The following PEX7 variants were observed in gnomAD, a reference collection of about 807,000 sequenced individuals.
The protein encoded by PEX7 is peroxisomal biogenesis factor 7, also known as PTS2 receptor.
Under a neutral mutation model 47.5 loss-of-function variants are expected in PEX7, and 34 were observed. The ratio of observed to expected loss-of-function variants is 0.72; its 90% confidence interval spans 0.54 to 0.95. PEX7 has a LOEUF of 0.95. PEX7 is among the 40% of genes least tolerant of loss of function. PEX7 has a pLI of 0.00. For missense variants in PEX7, 394 were observed against 400.3 expected, an observed-to-expected ratio of 0.98 and a Z score of 0.13; for synonymous variants, 141 against 148.8, an observed-to-expected ratio of 0.95 and a Z score of 0.38.
intron 9 of PEX7, among the ~76,000 whole-genome samples, chr6:136,908,198 T>G (rs1414799645): frequency 6.6e-6 from 1 of 152,218 alleles, no homozygotes; most frequent in East Asian, 1.9e-4. Flanking sequence ...TTGAAGAAAC[T>G]GACACATTAG....
chr6:136,832,517 T>G (rs9494578), intron 3 of PEX7, among the ~76,000 whole-genome samples: 76,484 of 152,132 alleles, frequency 0.5, 20,183 homozygotes, highest in Admixed American at 0.61. Context: ...AGGTTTGAAT[T>G]TCCCCCCAAG....
chr6:136,902,335 T>C (rs1775766384), intron 9 of PEX7, among the ~76,000 whole-genome samples: 1 of 152,240 alleles, frequency 6.6e-6, no homozygotes, highest in Non-Finnish European at 1.5e-5. Flanking sequence ...AAAAGAGATT[T>C]ATCTGAGTTC....
intron 5 of PEX7, among the ~76,000 whole-genome samples, chr6:136,847,958 T>G (rs1667372249): frequency 6.6e-6 from 1 of 152,226 alleles, no homozygotes; most frequent in Non-Finnish European, 1.5e-5. Context: ...TTCACGATAT[T>G]GATTCTTCCT....
At chr6:136,847,513 A>T (rs909207859) in intron 5 of PEX7, among the ~76,000 whole-genome samples, 44 of 151,686 alleles carry the variant, frequency 2.9e-4, no homozygotes, top group Middle Eastern at 3.2e-3. Context: ...TCTTGAATTA[A>T]TTTTTGTATA....
intron 4 of PEX7, 45 bp downstream of exon 4, chr6:136,845,737 A>G (rs1774585595): frequency 8.7e-7 from 1 of 1,148,618 alleles, no homozygotes; most frequent in African/African-American, 1.5e-5. Context: ...TCCCTTCTCT[A>G]GAGCTTCCAC....
At position 136,872,184 on chromosome 6, in the gene PEX7, T is replaced by C. The variant is rs1362218138; in HGVS notation, c.748-14T>C. 4 of 1,569,786 alleles carry C rather than the reference T, an allele frequency of 2.5e-6. No individual in the cohort carries two copies. The highest frequency in any genetic ancestry group is 2.6e-6 in the Non-Finnish European group (3 of 1,152,060). On this transcript the variant is annotated splice_polypyrimidine_tract_variant and intron_variant, in intron 7 of 9. Coordinates refer to ENST00000318471, the MANE Select transcript of PEX7 (RefSeq NM_000288.4). ...ACTTCAAAAAGGGTTTTTTTTTTCT[T>C]TTTTTTTTTGTAGTTTTCACCATTT...
chr6:136,862,278 A>G (rs1052442864), intron 5 of PEX7, among the ~76,000 whole-genome samples: 1 of 149,014 alleles, frequency 6.7e-6, no homozygotes, highest in South Asian at 2.1e-4. Flanking sequence ...GGGTTTTGCC[A>G]TGTTGGCCAG....
chr6:136,889,717 T>C (rs537622555), intron 8 of PEX7, among the ~76,000 whole-genome samples: 28 of 152,302 alleles, frequency 1.8e-4, no homozygotes, highest in African/African-American at 6.7e-4. Context: ...CAAAAGATAA[T>C]ATCTGAAAAT....
chr6:136,911,169 A>C (rs112304563), intron 9 of PEX7, among the ~76,000 whole-genome samples: 11 of 151,934 alleles, frequency 7.2e-5, no homozygotes, highest in African/African-American at 2.2e-4. Flanking sequence ...AGGTGAGAAG[A>C]GTAACATTGT....
At chr6:136,828,570 C>G (rs1377870099) in intron 3 of PEX7, among the ~76,000 whole-genome samples, 1 of 152,242 alleles carries the variant, frequency 6.6e-6, no homozygotes, top group East Asian at 1.9e-4. Flanking sequence ...ATCGTGCTCT[C>G]TTCCAGACTG....
chr6:136,912,468 T>C (rs1489290482), intron 9 of PEX7, among the ~76,000 whole-genome samples: 1 of 152,196 alleles, frequency 6.6e-6, no homozygotes, highest in Non-Finnish European at 1.5e-5. Flanking sequence ...CACCATTTAT[T>C]GAAAAGACTA....
chr6:136,900,640 AT>A lies in PEX7; in HGVS notation c.903+2403del. 1 of 334,070 alleles carries A rather than the reference AT, an allele frequency of 3.0e-6. No individual in the cohort carries two copies. The highest frequency in any genetic ancestry group is 5.8e-6 in the Non-Finnish European group (1 of 171,526). 20.7% of individuals were successfully genotyped at this position (334,070 alleles called of 1,614,324 possible). A position where few individuals can be genotyped will look rare whatever the true frequency, so the allele number is the denominator to read the frequency against. The stretch of plus-strand genomic sequence containing the variant: ...CTTGACAGCGCAGTCAGGGACCCCC[AT>A]TTTATGAGACAGGGCAGGCAGGAAG... On this transcript the variant is annotated intron_variant, in intron 9 of 9. Coordinates refer to ENST00000318471, the MANE Select transcript of PEX7 (RefSeq NM_000288.4). This position sits in a 1 kb window ranked among gnomAD's most constrained non-coding sequence, Gnocchi z 4.2.
chr6:136,837,907 A>G (rs552008466), intron 3 of PEX7, among the ~76,000 whole-genome samples: 1 of 152,214 alleles, frequency 6.6e-6, no homozygotes, highest in Non-Finnish European at 1.5e-5. Flanking sequence ...TGTAGTCACC[A>G]TTGAAGATTA....
Position 136,825,233 on chromosome 6 carries a change from A to C in PEX7, c.150A>C (p.Ile50=), listed in dbSNP as rs1176597209. The C allele has an allele frequency of 6.2e-7, 1 of 1,613,848 alleles. No individual in the cohort carries two copies. The highest frequency in any genetic ancestry group is 1.1e-5 in the South Asian group (1 of 91,072). The stretch of plus-strand genomic sequence containing the variant: ...CTTTAGGCTGTGGAACCCTACTAAT[A>C]TTGGATCCAGATGAAGCTGGGCTAA... The part of the protein sequence containing the change: ...YGIAGCGTLL[I]LDPDEAGLRL... The change falls in exon 2 of 10, where the codon ATA becomes ATC. Residue 50 remains isoleucine, a synonymous_variant. Coordinates refer to ENST00000318471, the MANE Select transcript of PEX7 (RefSeq NM_000288.4).
At chr6:136,850,020 T>A (rs1774711010) in intron 5 of PEX7, among the ~76,000 whole-genome samples, 1 of 152,170 alleles carries the variant, frequency 6.6e-6, no homozygotes, top group South Asian at 2.1e-4. Context: ...GGACTTGCTT[T>A]ATGAATCTGG....
chr6:136,906,278 G>C (rs1231476688), intron 9 of PEX7, among the ~76,000 whole-genome samples: 1 of 152,060 alleles, frequency 6.6e-6, no homozygotes, highest in Non-Finnish European at 1.5e-5. Context: ...TTTAAAGGTA[G>C]AACATTTTAT....
chr6:136,822,882 G>GC, intron 1 of PEX7, 87 bp downstream of exon 1: 1 of 1,223,916 alleles, frequency 8.2e-7, no homozygotes, highest in Non-Finnish European at 1.0e-6. Flanking sequence ...TCGAGGGAAA[G>GC]CCCCTCTGAG....
At chr6:136,904,709 A>G (rs1775813386) in intron 9 of PEX7, among the ~76,000 whole-genome samples, 1 of 148,584 alleles carries the variant, frequency 6.7e-6, no homozygotes, top group Non-Finnish European at 1.5e-5. Context: ...CATGATCGTG[A>G]GGCCTCCCCA....
intron 9 of PEX7, chr6:136,901,644 AAAG>A (rs1235368786): frequency 6.6e-6 from 1 of 152,260 alleles, no homozygotes; most frequent in Non-Finnish European, 1.5e-5. Flanking sequence ...CTTCTGTTGC[AAAG>A]CAAGTTGCAA....
Sources: allele counts gnomAD v4.1 joint callset (sites outside exome capture counted in the v4.1 genomes callset), GRCh38; gene constraint gnomAD v4.1.1; non-coding constraint Gnocchi (gnomAD v3.1); transcripts MANE v1.5; gene names NCBI Gene and HGNC (gene_info 2026-07-23, HGNC 2026-07-21).